The following MEGF10 variants were observed in gnomAD, a reference collection of about 807,000 sequenced individuals.
The protein encoded by MEGF10 is multiple EGF like domains 10.
A neutral mutation model predicts 147.5 loss-of-function variants in MEGF10; 86 were observed. The ratio of observed to expected loss-of-function variants is 0.58; its 90% CI spans 0.49 to 0.70. MEGF10 has a LOEUF of 0.70. MEGF10 is among the 30% of genes least tolerant of loss of function. MEGF10 has a pLI of 0.00. For missense variants in MEGF10, 1,329 were observed against 1,487.3 expected, an observed-to-expected ratio of 0.89 and a Z score of 1.75; for synonymous variants, 478 against 525.5, an observed-to-expected ratio of 0.91 and a Z score of 1.24.
intron 5 of MEGF10, among the ~76,000 whole-genome samples, chr5:127,391,651 CATT>C (rs748990114): frequency 4.6e-4 from 70 of 150,556 alleles, no homozygotes; most frequent in Middle Eastern, 6.9e-3. Flanking sequence ...TCAGTCTCAA[CATT>C]ATTATTATTA....
chr5:127,429,986 C>T (rs1765341165), intron 13 of MEGF10, among the ~76,000 whole-genome samples: 1 of 152,156 alleles, frequency 6.6e-6, no homozygotes, highest in Non-Finnish European at 1.5e-5. Context: ...CCTGCTCTCC[C>T]CAGCCCCTGA....
At chr5:127,305,578 A>C (rs913350497) in intron 1 of MEGF10, among the ~76,000 whole-genome samples, 1 of 152,138 alleles carries the variant, frequency 6.6e-6, no homozygotes, top group Non-Finnish European at 1.5e-5. Flanking sequence ...GTGAAGGCCA[A>C]CCTGAAGCAA....
At chr5:127,271,133 A>G in the MEGF10 span, among the ~76,000 whole-genome samples, 1 of 152,182 alleles carries the variant, frequency 6.6e-6, no homozygotes, top group East Asian at 1.9e-4. Flanking sequence ...TTGAGGAATT[A>G]CCACACTATC....
intron 9 of MEGF10, 31 bp from the exon 10 acceptor site, chr5:127,417,607 G>A (rs748758635): frequency 1.9e-6 from 3 of 1,612,788 alleles, no homozygotes; most frequent in South Asian, 1.1e-5. Context: ...TTACCCCAAA[G>A]TGACTTATTC....
the MEGF10 span, among the ~76,000 whole-genome samples, chr5:127,275,104 A>G: frequency 6.6e-6 from 1 of 152,226 alleles, no homozygotes; most frequent in Non-Finnish European, 1.5e-5. Flanking sequence ...AGCCATCATT[A>G]TATTGTGTTA....
In MEGF10 at chr5:127,410,383, T is replaced by C; in HGVS notation, c.918-6T>C. ...TTTCTTCTTGCTCCTGCCTCTTGCT[T>C]GGTAGGTGCCAGGATGAGTGTCCTG... On this transcript the variant is annotated splice_polypyrimidine_tract_variant and splice_region_variant and intron_variant, in intron 8 of 24. Coordinates refer to ENST00000503335, the MANE Select transcript of MEGF10 (RefSeq NM_001256545.2). 1.2e-6 allele frequency: 2 copies of C among 1,613,792 alleles called. No individual in the cohort carries two copies. The highest frequency in any genetic ancestry group is 1.7e-6 in the Non-Finnish European group (2 of 1,179,642).
intron 5 of MEGF10, among the ~76,000 whole-genome samples, chr5:127,375,044 G>A (rs1375357276): frequency 6.6e-6 from 1 of 152,156 alleles, no homozygotes; most frequent in African/African-American, 2.4e-5. Context: ...GTATTAAGAG[G>A]TATTCCACAG....
intron 4 of MEGF10, among the ~76,000 whole-genome samples, chr5:127,344,158 A>G (rs376433092): frequency 3.3e-5 from 5 of 152,318 alleles, no homozygotes; most frequent in East Asian, 1.9e-4. Flanking sequence ...TTGACCTACA[A>G]TGTAAAAACC....
upstream of MEGF10, among the ~76,000 whole-genome samples, chr5:127,290,555 A>C (rs1052910755): frequency 8.5e-5 from 13 of 152,168 alleles, no homozygotes; most frequent in African/African-American, 3.1e-4. Context: ...CTTCGCGACC[A>C]GGCCTTTGGC....
chr5:127,313,992 G>A (rs1760413424), intron 1 of MEGF10, among the ~76,000 whole-genome samples: 1 of 152,178 alleles, frequency 6.6e-6, no homozygotes, highest in Admixed American at 6.6e-5. Flanking sequence ...TCGGGGAGAT[G>A]CCTTGAAGAT....
the MEGF10 span, among the ~76,000 whole-genome samples, chr5:127,246,455 G>A: frequency 1.3e-5 from 2 of 152,078 alleles, no homozygotes; most frequent in South Asian, 2.1e-4. Flanking sequence ...GGCCTGTTGC[G>A]GGGTGGGGAG....
At chr5:127,272,442 A>G in the MEGF10 span, among the ~76,000 whole-genome samples, 3 of 152,142 alleles carry the variant, frequency 2.0e-5, no homozygotes, top group African/African-American at 7.2e-5. Flanking sequence ...ATTTTAAAAT[A>G]GTTTTTTTCC....
chr5:127,389,760 T>C (rs1269341122), intron 5 of MEGF10, among the ~76,000 whole-genome samples: 2 of 152,024 alleles, frequency 1.3e-5, no homozygotes, highest in Non-Finnish European at 2.9e-5. Flanking sequence ...ACAGACACTG[T>C]GGCCTATTGG....
rs1480658079 is a variant in MEGF10, at chr5:127,437,025, C to A, written c.2105-1414C>A. On this transcript the variant is annotated intron_variant, in intron 16 of 24. Transcript: ENST00000503335. ...AAGTTGAGTGATGCTTATTCCCATTCTCTGATCATAACAAATATAGGGAGA... is the reference window on the plus strand; with the variant it reads ...AAGTTGAGTGATGCTTATTCCCATTATCTGATCATAACAAATATAGGGAGA... Among the ~76,000 whole-genome samples, 4 of 152,198 alleles carry A rather than the reference C, an allele frequency of 2.6e-5. No homozygotes were observed. The East Asian group carries it at 7.7e-4, about 29-fold the overall frequency.
At chr5:127,386,976 GTAGCGA>G (rs1159448789) in intron 5 of MEGF10, among the ~76,000 whole-genome samples, 3 of 152,216 alleles carry the variant, frequency 2.0e-5, no homozygotes, top group Non-Finnish European at 4.4e-5. Flanking sequence ...CCAAGGTTCT[GTAGCGA>G]TGAATTGGCC....
At chr5:127,426,328 ACT>A (rs1334077528) in intron 13 of MEGF10, among the ~76,000 whole-genome samples, 1 of 152,154 alleles carries the variant, frequency 6.6e-6, no homozygotes, top group Non-Finnish European at 1.5e-5. Flanking sequence ...CTCAAAATAT[ACT>A]GTTATGAAAA....
At chr5:127,357,206 A>T (rs527769776) in intron 4 of MEGF10, among the ~76,000 whole-genome samples, 10 of 152,296 alleles carry the variant, frequency 6.6e-5, no homozygotes, top group Middle Eastern at 3.4e-3. Context: ...CATGGAGGAG[A>T]TGCGTATTTT....
chr5:127,305,368 G>A (rs1427733819), intron 1 of MEGF10, among the ~76,000 whole-genome samples: 1 of 152,184 alleles, frequency 6.6e-6, no homozygotes, highest in East Asian at 1.9e-4. Context: ...TTGAGGGGGT[G>A]AAAGTGTGAG....
the MEGF10 span, among the ~76,000 whole-genome samples, chr5:127,235,144 C>T: frequency 6.6e-6 from 1 of 152,194 alleles, no homozygotes; most frequent in Admixed American, 6.5e-5. Flanking sequence ...CCGTGCCTGG[C>T]CTCCAACTTG....
Sources: gnomAD v4.1 joint callset for allele counts (sites outside exome capture counted in the v4.1 genomes callset) on GRCh38, gnomAD v4.1.1 for gene constraint, MANE v1.5 for transcripts, NCBI Gene and HGNC (gene_info 2026-07-23, HGNC 2026-07-21) for gene names.